Variants in FRMD4A observed in about 807,000 individuals in gnomAD.
The protein encoded by FRMD4A is FERM domain-containing protein 4A.
In FRMD4A, 29 loss-of-function variants were observed where a neutral mutation model predicts 129.1. The ratio of observed to expected loss-of-function variants is 0.22; its 90% CI spans 0.17 to 0.31. The LOEUF (loss-of-function observed/expected upper bound fraction) is 0.31. Among genes scored for constraint, FRMD4A ranks in the 10% least tolerant of loss-of-function variants. The pLI is 1.00. For missense variants in FRMD4A, 1,272 were observed against 1,375.8 expected (o/e 0.92, Z 1.19); for synonymous variants, 634 against 571.6 (o/e 1.11, Z -1.56).
chr10:14,071,142 G>T (rs1452930984), intron 2 of FRMD4A, among the ~76,000 whole-genome samples: 2 of 152,216 alleles, frequency 1.3e-5, no homozygotes, highest in African/African-American at 4.8e-5. Context: ...ATGCCTATGT[G>T]GCTGTTCCAT....
At chr10:14,074,816 G>C (rs994525331) in intron 2 of FRMD4A, 1 of 152,148 alleles carries the variant, frequency 6.6e-6, no homozygotes, top group Non-Finnish European at 1.5e-5. Flanking sequence ...AATTTTAAGA[G>C]GATAACCCTG....
intron 15 of FRMD4A, chr10:13,685,079 C>G: frequency 1.0e-6 from 1 of 984,924 alleles, no homozygotes; most frequent in Non-Finnish European, 1.2e-6. Context: ...GAAATAATGC[C>G]ACATTGCAGA....
At chr10:13,931,967 CAACCAACCAACA>C (rs964362735) in intron 2 of FRMD4A, among the ~76,000 whole-genome samples, 10 of 151,762 alleles carry the variant, frequency 6.6e-5, no homozygotes, top group Middle Eastern at 6.8e-3. Flanking sequence ...ACCAACCAAC[CAACCAACCAACA>C]AACCAACCAA....
chr10:14,013,294 G>A (rs1017760340), intron 2 of FRMD4A, among the ~76,000 whole-genome samples: 17 of 152,200 alleles, frequency 1.1e-4, no homozygotes, highest in Middle Eastern at 6.8e-3. Flanking sequence ...TCTCAGTGTC[G>A]TTTGAGGGCT....
At chr10:14,213,690 A>G (rs1842992137) in intron 2 of FRMD4A, among the ~76,000 whole-genome samples, 2 of 152,166 alleles carry the variant, frequency 1.3e-5, no homozygotes, top group Non-Finnish European at 1.5e-5. Context: ...CCCACCCTCA[A>G]TTGGAGAGTC....
At chr10:13,650,935 CATTT>C in intron 24 of FRMD4A, 1 of 150,758 alleles carries the variant, frequency 6.6e-6, no homozygotes, top group East Asian at 1.9e-4. Context: ...CTCAGCATTG[CATTT>C]TGTTTCTAAG....
intron 2 of FRMD4A, among the ~76,000 whole-genome samples, chr10:14,032,182 A>G (rs1431826967): frequency 6.6e-6 from 1 of 152,174 alleles, no homozygotes; most frequent in Non-Finnish European, 1.5e-5. Flanking sequence ...TACACATATT[A>G]TTGAAAAAAA....
chr10:13,785,743 G>A (rs879784764), intron 5 of FRMD4A, among the ~76,000 whole-genome samples: 1 of 152,012 alleles, frequency 6.6e-6, no homozygotes, highest in Non-Finnish European at 1.5e-5. Context: ...TTTACATTAG[G>A]TATGTCTCCT....
intron 15 of FRMD4A, chr10:13,684,840 G>A (rs2134779320): frequency 4.1e-6 from 4 of 982,272 alleles, no homozygotes; most frequent in South Asian, 4.7e-5. Context: ...CTAAAGAAGG[G>A]AAATGACAAT....
intron 2 of FRMD4A, among the ~76,000 whole-genome samples, chr10:13,881,085 T>C (rs1174494716): frequency 6.6e-6 from 1 of 152,028 alleles, no homozygotes; most frequent in South Asian, 2.1e-4. Context: ...ACTTCTGCCA[T>C]TTGCCAGCTG....
intron 15 of FRMD4A, among the ~76,000 whole-genome samples, chr10:13,688,497 A>T (rs1047983775): frequency 6.6e-6 from 1 of 152,138 alleles, no homozygotes; most frequent in Non-Finnish European, 1.5e-5. Flanking sequence ...ATACGTGTGT[A>T]ACAAACCTGC....
intron 2 of FRMD4A, among the ~76,000 whole-genome samples, chr10:14,283,208 T>C (rs553421861): frequency 6.6e-6 from 1 of 152,334 alleles, no homozygotes; most frequent in African/African-American, 2.4e-5. Context: ...AATTCTCAGC[T>C]AAATCGCCCA....
intron 2 of FRMD4A, among the ~76,000 whole-genome samples, chr10:13,918,056 G>T (rs1318299012): frequency 6.6e-6 from 1 of 152,220 alleles, no homozygotes; most frequent in East Asian, 1.9e-4. Flanking sequence ...TGTTGAAAAG[G>T]AGACACTCCA....
chr10:14,100,272 A>G (rs1388670480), intron 2 of FRMD4A, among the ~76,000 whole-genome samples: 1 of 152,226 alleles, frequency 6.6e-6, no homozygotes, highest in Non-Finnish European at 1.5e-5. Flanking sequence ...AGTAGCATCC[A>G]TGCTGGAGCT....
At chr10:14,036,129 A>G (rs865805306) in intron 2 of FRMD4A, among the ~76,000 whole-genome samples, 5 of 152,206 alleles carry the variant, frequency 3.3e-5, no homozygotes, top group African/African-American at 1.2e-4. Flanking sequence ...AACCCTAGAA[A>G]ACAAGTGCCT....
intron 12 of FRMD4A, among the ~76,000 whole-genome samples, chr10:13,722,571 A>G (rs1389038553): frequency 1.3e-5 from 2 of 152,038 alleles, no homozygotes; most frequent in African/African-American, 4.8e-5. Context: ...GGTCTTCCCA[A>G]TCACTGGTTT....
At chr10:13,868,418 A>G (rs2094400531) in intron 2 of FRMD4A, among the ~76,000 whole-genome samples, 1 of 152,174 alleles carries the variant, frequency 6.6e-6, no homozygotes, top group African/African-American at 2.4e-5. Flanking sequence ...AGCCTCATTC[A>G]GAGAGGATGA....
intron 6 of FRMD4A, among the ~76,000 whole-genome samples, chr10:13,764,506 T>TAAAAC (rs2092207812): frequency 1.3e-5 from 2 of 149,668 alleles, no homozygotes; most frequent in African/African-American, 5.0e-5. Flanking sequence ...CTGCCTCAAA[T>TAAAAC]AAACAAACAA....
intron 2 of FRMD4A, among the ~76,000 whole-genome samples, chr10:13,884,216 A>ACTCACACACACTCTCTCACACACACT (rs1554956601): frequency 8.0e-6 from 1 of 125,644 alleles, no homozygotes; most frequent in Non-Finnish European, 1.8e-5. Flanking sequence ...ACTCACACAC[A>ACTCACACACACTCTCTCACACACACT]CACACACACA....
Sources: allele counts gnomAD v4.1 joint callset (sites outside exome capture counted in the v4.1 genomes callset), GRCh38; gene constraint gnomAD v4.1.1; transcripts MANE v1.5; gene names NCBI Gene and HGNC (gene_info 2026-07-23, HGNC 2026-07-21).